PLPPR3: variants seen among roughly 807,000 people sequenced by gnomAD.
PLPPR3 encodes the protein phospholipid phosphatase-related protein type 3.
A neutral mutation model predicts 27.3 loss-of-function variants in PLPPR3; 14 were observed. The ratio of observed to expected loss-of-function variants is 0.51; its 90% CI spans 0.34 to 0.80. The LOEUF is 0.80. Ranked by LOEUF, PLPPR3 falls within the 30% of genes least tolerant of loss-of-function variation. The pLI, the probability that PLPPR3 is intolerant of heterozygous loss-of-function variation, is 0.01. For missense variants in PLPPR3, 1,287 were observed against 1,056.9 expected (o/e 1.22, Z -3.02); for synonymous variants, 671 against 508.0 (o/e 1.32, Z -4.32).
In PLPPR3 at chr19:813,049, A is replaced by G; in HGVS notation, c.1678T>C (p.Ser560Pro). 6.6e-7 allele frequency: 1 copy of G among 1,508,272 alleles called. No individual in the cohort carries two copies. Among genetic ancestry groups the G allele is most frequent in the Non-Finnish European group, 8.8e-7 (1 of 1,137,980 alleles). The allele number at this position is 1,508,272 out of a possible 1,614,324, so 93.4% of individuals were successfully genotyped here. A position where few individuals can be genotyped will look rare whatever the true frequency, so the allele number is the denominator to read the frequency against. The stretch of plus-strand genomic sequence containing the variant: ...TGCGAGGAGTCGGAGCTGGCGCTGG[A>G]CGACGACGCCGTCTCGGCCGCCTTG... ...GPKAAETASS[S>P]SASSDSSQYR... Residue 560 changes from serine to proline, a missense_variant, in exon 8 of 8, where the codon TCC (serine) becomes CCC (proline). By Grantham distance (74) the Ser-to-Pro change is moderately conservative. Transcript: ENST00000520876. The surrounding 1 kb of genome is among the most constrained non-coding windows in gnomAD (Gnocchi z 4.1).
At chr19:818,188 G>A (rs192242195) in intron 2 of PLPPR3, among the ~76,000 whole-genome samples, 18 of 152,206 alleles carry the variant, frequency 1.2e-4, no homozygotes, top group African/African-American at 4.3e-4. Flanking sequence ...TTTGAGACCA[G>A]CCTGGCCAAC....
intron 3 of PLPPR3, 45 bp from the exon 4 acceptor site, chr19:815,372 G>A (rs761100485): frequency 2.7e-6 from 4 of 1,501,460 alleles, no homozygotes; most frequent in Middle Eastern, 2.3e-4. Flanking sequence ...CCCACAGGGA[G>A]GGGGCGCTCA....
chr19:821,623 G>A (rs1014296035), intron 1 of PLPPR3, 38 bp from the exon 2 acceptor site: 33 of 1,287,902 alleles, frequency 2.6e-5, no homozygotes, highest in Non-Finnish European at 7.3e-6. Context: ...GGGGCGCGCA[G>A]GCGGAGCCCG....
chr19:814,446 G>A lies in PLPPR3; in HGVS notation c.819C>T (p.Ile273=), dbSNP rs1180432351. 18 of 1,601,940 alleles carry A rather than the reference G, an allele frequency of 1.1e-5. No homozygotes were observed. The highest frequency in any genetic ancestry group is 2.2e-5 in the East Asian group (1 of 44,728). Reference sequence around the variant, plus strand: ...ACCTGCCACTCACCAGGTAGGCAGCGATGCCCGCCCCGATGAGGAAGCCGG... The same window carrying A: ...ACCTGCCACTCACCAGGTAGGCAGCAATGCCCGCCCCGATGAGGAAGCCGG... ...VYAGFLIGAG[I]AAYLACHAVG... Residue 273 remains isoleucine (I), a synonymous_variant, in exon 7 of 8, where the codon ATC becomes ATT. Coordinates refer to ENST00000520876, the MANE Select transcript of PLPPR3 (RefSeq NM_001270366.2).
rs542624946 is a variant in PLPPR3, at chr19:816,478, T to A, written c.76-627A>T. ...TCCATCCAACCGTCCATCCATCCAT[T>A]CATTACCCAGCCATTCATTCACCCA... is the stretch of plus-strand genomic sequence containing the variant. On this transcript the variant is annotated intron_variant, in intron 2 of 7. Coordinates refer to ENST00000520876, the MANE Select transcript of PLPPR3 (RefSeq NM_001270366.2). 2.1e-5 allele frequency among the ~76,000 whole-genome samples: 3 copies of A among 142,032 alleles called. No homozygotes were observed. The East Asian group carries it at 6.8e-4, about 32-fold the overall frequency. 93.2% of individuals were successfully genotyped at this position (142,032 alleles called of 152,430 possible). A position where few individuals can be genotyped will look rare whatever the true frequency, so the allele number is the denominator to read the frequency against.
At chr19:818,255 T>C (rs2035092125) in intron 2 of PLPPR3, among the ~76,000 whole-genome samples, 1 of 151,932 alleles carries the variant, frequency 6.6e-6, no homozygotes, top group Non-Finnish European at 1.5e-5. Flanking sequence ...TGGTGGTGCG[T>C]GCCTGTAGTC....
intron 2 of PLPPR3, among the ~76,000 whole-genome samples, chr19:816,966 A>C: frequency 7.8e-6 from 1 of 128,242 alleles, no homozygotes; most frequent in African/African-American, 2.8e-5. Context: ...CCATCCATCC[A>C]TTGATCACCC....
At chr19:822,432 A>C (rs2035163108), upstream of PLPPR3, among the ~76,000 whole-genome samples, 1 of 151,708 alleles carries the variant, frequency 6.6e-6, no homozygotes, top group Non-Finnish European at 1.5e-5. Context: ...GCGCGTTTCC[A>C]TGGCGAGGCT....
At position 813,551 on chromosome 19, in the gene PLPPR3, G is replaced by T; in HGVS notation, c.1176C>A (p.His392Gln). Residue 392 changes from histidine to glutamine, a missense_variant, in exon 8 of 8, where the codon CAC becomes CAA. Transcript: ENST00000520876. This position sits in a 1 kb window ranked among gnomAD's most constrained non-coding sequence, Gnocchi z 4.1. ...CGTCCAGCGGCACGTGGATGGTCAT[G>T]TGGCGGCGCGCGGGGTCGTCCAGCG... ...APSLDDPARR[H>Q]MTIHVPLDAS... 1 of 1,561,252 alleles carries T rather than the reference G, an allele frequency of 6.4e-7. No homozygotes were observed.
intron 2 of PLPPR3, among the ~76,000 whole-genome samples, chr19:817,455 G>A (rs1177087307): frequency 6.6e-6 from 1 of 152,062 alleles, no homozygotes; most frequent in Non-Finnish European, 1.5e-5. Flanking sequence ...TGTATTTTTA[G>A]TAGAGGCGGG....
chr19:813,900 C>G lies in PLPPR3; in HGVS notation c.832-5G>C. 2.8e-6 allele frequency: 4 copies of G among 1,427,992 alleles called. No individual in the cohort carries two copies. Among genetic ancestry groups the G allele is most frequent in the Middle Eastern group, 1.9e-4 (1 of 5,180 alleles). 88.5% of individuals were successfully genotyped at this position (1,427,992 alleles called of 1,614,324 possible). A position where few individuals can be genotyped will look rare whatever the true frequency, so the allele number is the denominator to read the frequency against. ...GTTGCCCACCGCGTGGCAGGCCTGT[C>G]GGGGAGAGGGGTCTGGGGGTGAGGC... On this transcript the variant is annotated splice_region_variant and splice_polypyrimidine_tract_variant and intron_variant, in intron 7 of 7. Coordinates refer to ENST00000520876, the MANE Select transcript of PLPPR3 (RefSeq NM_001270366.2). The surrounding 1 kb of genome is among the most constrained non-coding windows in gnomAD (Gnocchi z 4.1).
rs2034944732 is a variant in PLPPR3, at chr19:812,609, G to C, written c.2118C>G (p.Gly706=). The stretch of plus-strand genomic sequence containing the variant: ...GGCGCGCCTGCATCTTGCGGAAGTA[G>C]CCCTCGGCCTCCGCCTCCGCCTCGC... ...AEREAEAEAE[G]YFRKMQARRF... Residue 706 remains glycine (G), a synonymous_variant, in exon 8 of 8, where the codon GGC becomes GGG. Transcript: ENST00000520876. The C allele has an allele frequency of 9.0e-7, 1 of 1,116,036 alleles. No homozygotes were observed. The highest frequency in any genetic ancestry group is 1.1e-6 in the Non-Finnish European group (1 of 903,104). 69.1% of individuals were successfully genotyped at this position (1,116,036 alleles called of 1,614,324 possible). A position where few individuals can be genotyped will look rare whatever the true frequency, so the allele number is the denominator to read the frequency against.
In PLPPR3 at chr19:813,382, C is replaced by A; in HGVS notation, c.1345G>T (p.Glu449Ter). 6.7e-7 allele frequency: 1 copy of A among 1,498,548 alleles called. No homozygotes were observed. The highest frequency in any genetic ancestry group is 8.8e-7 in the Non-Finnish European group (1 of 1,131,644). 92.8% of individuals were successfully genotyped at this position (1,498,548 alleles called of 1,614,324 possible). The change falls in exon 8 of 8, where the codon GAA (glutamate) becomes TAA (stop). Residue 449 changes from glutamate to a stop codon, truncating the protein, a stop_gained. Transcript: ENST00000520876. LOFTEE classifies it low-confidence loss of function (END_TRUNC). This position sits in a 1 kb window ranked among gnomAD's most constrained non-coding sequence, Gnocchi z 4.1. ...TCTTCCTCCTCCTCCTCTTCCTCTTCGTCCTCCTCCTCTTCCTCCTCCTCC... is the reference window on the plus strand; with the variant it reads ...TCTTCCTCCTCCTCCTCTTCCTCTTAGTCCTCCTCCTCTTCCTCCTCCTCC... The part of the protein sequence containing the change: ...MAEEEEEEED[E>*]EEEEEEEEEE...
upstream of PLPPR3, among the ~76,000 whole-genome samples, chr19:823,446 A>AAAAAAAAAAAC (rs1555703849): frequency 1.3e-3 from 113 of 84,280 alleles, 2 homozygotes; most frequent in African/African-American, 3.7e-3. Flanking sequence ...TATCTCAAAA[A>AAAAAAAAAAAC]AAAAAAAAAA....
intron 2 of PLPPR3, among the ~76,000 whole-genome samples, chr19:820,608 C>G (rs2035129427): frequency 6.6e-6 from 1 of 152,154 alleles, no homozygotes; most frequent in African/African-American, 2.4e-5. Flanking sequence ...CAACCTCCAC[C>G]TCCTGGGTTC....
At chr19:822,875 C>T (rs1394562183), upstream of PLPPR3, among the ~76,000 whole-genome samples, 3 of 152,124 alleles carry the variant, frequency 2.0e-5, no homozygotes, top group Non-Finnish European at 4.4e-5. Context: ...AATCCCAGCA[C>T]TTTGGGAGGT....
In PLPPR3 at chr19:815,844, A is replaced by G. The variant is rs766492513; in HGVS notation, c.83T>C (p.Ile28Thr). The stretch of plus-strand genomic sequence containing the variant: ...CAAGGATACGATGGAAGAAGCCACT[A>G]TGGGCAGCTGTGGGGACAAGGTGGG... ...LPCFYFVELPIVASSIVSLYF... is the reference protein window; with the variant it reads ...LPCFYFVELPTVASSIVSLYF... The change falls in exon 3 of 8, where the codon ATA becomes ACA. Residue 28 changes from isoleucine to threonine, a missense_variant. Transcript: ENST00000520876. The G allele has an allele frequency of 1.9e-6, 3 of 1,612,512 alleles. No individual in the cohort carries two copies. Among genetic ancestry groups the G allele is most frequent in the Non-Finnish European group, 2.5e-6 (3 of 1,179,764 alleles).
Position 812,697 on chromosome 19 carries a change from A to G in PLPPR3, c.2030T>C (p.Leu677Pro). ...CGTGGACTCCCGGCTGCCCGGGCCC[A>G]GCGCCCCATCGGCCGCGCCCAGCGG... is the stretch of plus-strand genomic sequence containing the variant. ...LPPLGAADGA[L>P]GPGSRESTLR... Residue 677 changes from leucine to proline, a missense_variant, in exon 8 of 8, where the codon CTG becomes CCG. Transcript: ENST00000520876. The G allele has an allele frequency of 9.5e-7, 1 of 1,049,712 alleles. No homozygotes were observed. Among genetic ancestry groups the G allele is most frequent in the Non-Finnish European group, 1.1e-6 (1 of 871,092 alleles). 65.0% of individuals were successfully genotyped at this position (1,049,712 alleles called of 1,614,324 possible). A position where few individuals can be genotyped will look rare whatever the true frequency, so the allele number is the denominator to read the frequency against.
upstream of PLPPR3, among the ~76,000 whole-genome samples, chr19:822,337 G>T (rs2035161587): frequency 6.6e-6 from 1 of 151,190 alleles, no homozygotes; most frequent in African/African-American, 2.4e-5. Context: ...GACTGTCTCC[G>T]TGTCTCTCAC....
Sources: gnomAD v4.1 joint callset for allele counts (sites outside exome capture counted in the v4.1 genomes callset) on GRCh38, gnomAD v4.1.1 for gene constraint, Gnocchi (gnomAD v3.1) non-coding constraint, MANE v1.5 for transcripts, NCBI Gene and HGNC (gene_info 2026-07-23, HGNC 2026-07-21) for gene names.